The following GALNT18 variants were observed in gnomAD, a reference collection of about 807,000 sequenced individuals.
The protein encoded by GALNT18 is polypeptide N-acetylgalactosaminyltransferase 18.
In GALNT18, 44 loss-of-function variants were observed where a neutral mutation model predicts 69.5. That is an observed-to-expected ratio of 0.63 (90% confidence interval 0.50 to 0.81). The LOEUF (loss-of-function observed/expected upper bound fraction) is 0.81, where lower values mean the gene tolerates loss of function less well. Ranked by LOEUF, GALNT18 falls within the 40% of genes least tolerant of loss-of-function variation. The pLI, the probability that GALNT18 is intolerant of heterozygous loss-of-function variation, is 0.00. For synonymous variants in GALNT18, 364 were observed against 318.2 expected, an observed-to-expected ratio of 1.14 and a Z score of -1.53; for missense variants, 715 against 810.0, an observed-to-expected ratio of 0.88 and a Z score of 1.42.
chr11:11,280,607 G>T (rs1341139860), intron 10 of GALNT18, among the ~76,000 whole-genome samples: 3 of 152,180 alleles, frequency 2.0e-5, no homozygotes, highest in Admixed American at 6.5e-5. Context: ...AGCATTTCCA[G>T]GTTTAACTTT....
intron 9 of GALNT18, among the ~76,000 whole-genome samples, chr11:11,325,275 C>T (rs529114961): frequency 1.3e-5 from 2 of 152,136 alleles, no homozygotes; most frequent in South Asian, 2.1e-4. Flanking sequence ...AAATATCGTA[C>T]GTTTTCACTT....
rs1857932665 is a variant in GALNT18 at position 11,541,830 on chromosome 11, G to T, written c.235+79529C>A. On this transcript the variant is annotated intron_variant, in intron 1 of 10. Coordinates refer to ENST00000227756, the MANE Select transcript of GALNT18 (RefSeq NM_198516.3). This position sits in a 1 kb window ranked among gnomAD's most constrained non-coding sequence, Gnocchi z 4.8. The stretch of plus-strand genomic sequence containing the variant: ...CCTAGGGCACAAGCCAAGCCCAGAA[G>T]CCTCTCCCGAAGAGTGAGCAGGTTG... 6.6e-6 allele frequency among the ~76,000 whole-genome samples: 1 copy of T among 152,182 alleles called. No homozygotes were observed. Among genetic ancestry groups the T allele is most frequent in the South Asian group, 2.1e-4 (1 of 4,830 alleles).
chr11:11,532,265 T>C (rs150778759), intron 1 of GALNT18, among the ~76,000 whole-genome samples: 35 of 152,236 alleles, frequency 2.3e-4, no homozygotes, highest in Middle Eastern at 3.4e-3. Flanking sequence ...ATTCATTGAG[T>C]ACCTGAGCTG....
chr11:11,284,585 C>G (rs1849152513), intron 10 of GALNT18, among the ~76,000 whole-genome samples: 1 of 152,184 alleles, frequency 6.6e-6, no homozygotes, highest in Admixed American at 6.5e-5. Context: ...CTTTTGCAAT[C>G]AAGGAGTTCA....
intron 1 of GALNT18, among the ~76,000 whole-genome samples, chr11:11,522,057 T>C (rs1400057661): frequency 6.6e-6 from 1 of 152,110 alleles, no homozygotes; most frequent in African/African-American, 2.4e-5. Context: ...CCTAGAGCCA[T>C]GTCAGCCACA....
At chr11:11,579,227 G>A (rs558125309) in intron 1 of GALNT18, among the ~76,000 whole-genome samples, 1 of 152,282 alleles carries the variant, frequency 6.6e-6, no homozygotes, top group South Asian at 2.1e-4. Context: ...GTGGCATGGC[G>A]CCAGCTCTCA....
intron 6 of GALNT18, among the ~76,000 whole-genome samples, chr11:11,371,201 G>C (rs527643704): frequency 6.6e-6 from 1 of 152,138 alleles, no homozygotes; most frequent in African/African-American, 2.4e-5. Flanking sequence ...GTGGTGAGTC[G>C]GGCCCCACAC....
chr11:11,300,566 G>C (rs1358872293), intron 9 of GALNT18, among the ~76,000 whole-genome samples: 4 of 152,182 alleles, frequency 2.6e-5, no homozygotes, highest in Non-Finnish European at 4.4e-5. Context: ...TAACAGGGGA[G>C]TGTGACACTG....
chr11:11,272,597 T>C (rs1848850263), intron 10 of GALNT18, among the ~76,000 whole-genome samples: 1 of 152,238 alleles, frequency 6.6e-6, no homozygotes, highest in Admixed American at 6.5e-5. Flanking sequence ...CCATTTACAT[T>C]AACTCAGGGT....
intron 6 of GALNT18, among the ~76,000 whole-genome samples, chr11:11,369,694 T>C (rs935138613): frequency 1.3e-5 from 2 of 152,200 alleles, no homozygotes; most frequent in Non-Finnish European, 2.9e-5. Context: ...ACAGTTATCA[T>C]TTATATAATC....
rs1208931744 is a variant in GALNT18, at chr11:11,448,747, C to T, written c.425G>A (p.Ser142Asn). The change falls in exon 2 of 11, where the codon AGT (serine) becomes AAT (asparagine). Residue 142 changes from serine to asparagine, a missense_variant. Ser to Asn is a conservative substitution (Grantham distance 46). Coordinates refer to ENST00000227756, the MANE Select transcript of GALNT18 (RefSeq NM_198516.3). Reference protein sequence around the residue: ...LDRPLPDLRPSGCRNLSFPDS... With the variant: ...LDRPLPDLRPNGCRNLSFPDS... ...CCCAGTCACTGACTCTGCTCACCCA[C>T]TGGGTCTGAGGTCAGGCAGGGGCCG... 1 of 1,609,626 alleles carries T rather than the reference C, an allele frequency of 6.2e-7. No homozygotes were observed. Among genetic ancestry groups the T allele is most frequent in the South Asian group, 1.1e-5 (1 of 90,422 alleles).
intron 6 of GALNT18, among the ~76,000 whole-genome samples, chr11:11,346,819 C>T (rs1296460155): frequency 6.6e-6 from 1 of 152,148 alleles, no homozygotes; most frequent in Admixed American, 6.5e-5. Context: ...AGGCTTGAAA[C>T]ACCCACCCAG....
At position 11,461,132 on chromosome 11, in the gene GALNT18, A is replaced by G. The variant is rs1856032921; in HGVS notation, c.236-12196T>C. On this transcript the variant is annotated intron_variant, in intron 1 of 10. Transcript: ENST00000227756. The surrounding 1 kb of genome is among the most constrained non-coding windows in gnomAD (Gnocchi z 4.1). The stretch of plus-strand genomic sequence containing the variant: ...ACATCTGACTCTGCAAGCTTAGTCC[A>G]GATACTACAGGATGATCTCTCTCCG... Among the ~76,000 whole-genome samples the G allele has an allele frequency of 6.6e-6, 1 of 152,188 alleles. No individual in the cohort carries two copies. Among genetic ancestry groups the G allele is most frequent in the South Asian group, 2.1e-4 (1 of 4,822 alleles).
chr11:11,541,268 A>C lies in GALNT18; in HGVS notation c.235+80091T>G, dbSNP rs957442580. On this transcript the variant is annotated intron_variant, in intron 1 of 10. Coordinates refer to ENST00000227756, the MANE Select transcript of GALNT18 (RefSeq NM_198516.3). The surrounding 1 kb of genome is among the most constrained non-coding windows in gnomAD (Gnocchi z 4.8). ...GTGTTTTTGTGAACACTTTAGACCC[A>C]AAATCATCCAAACTCCTCCACCTCT... 1.3e-5 allele frequency among the ~76,000 whole-genome samples: 2 copies of C among 152,080 alleles called. No individual in the cohort carries two copies. The highest frequency in any genetic ancestry group is 2.4e-5 in the African/African-American group (1 of 41,396).
At position 11,494,519 on chromosome 11, in the gene GALNT18, C is replaced by G. The variant is rs543580282; in HGVS notation, c.236-45583G>C. Among the ~76,000 whole-genome samples the G allele has an allele frequency of 1.7e-4, 26 of 152,232 alleles. No homozygotes were observed. The highest frequency in any genetic ancestry group is 2.7e-4 in the African/African-American group (11 of 41,462). ...TCTCTTCCACAGCACTGACTGCCAC[C>G]TAGACATGACTCAGCCATATGAAAG... is the stretch of plus-strand genomic sequence containing the variant. On this transcript the variant is annotated intron_variant, in intron 1 of 10. Transcript: ENST00000227756. The surrounding 1 kb of genome is among the most constrained non-coding windows in gnomAD (Gnocchi z 5.7).
chr11:11,577,227 AT>A (rs1396758576), intron 1 of GALNT18, among the ~76,000 whole-genome samples: 1 of 152,116 alleles, frequency 6.6e-6, no homozygotes, highest in Non-Finnish European at 1.5e-5. Context: ...CATTATTCTG[AT>A]TATTGTCATC....
Position 11,404,265 on chromosome 11 carries a change from G to A in GALNT18, c.596-25001C>T, listed in dbSNP as rs1854535593. Among the ~76,000 whole-genome samples the A allele has an allele frequency of 6.6e-6, 1 of 152,212 alleles. No homozygotes were observed. Among genetic ancestry groups the A allele is most frequent in the African/African-American group, 2.4e-5 (1 of 41,470 alleles). On this transcript the variant is annotated intron_variant, in intron 3 of 10. Transcript: ENST00000227756. This position sits in a 1 kb window ranked among gnomAD's most constrained non-coding sequence, Gnocchi z 4.5. ...GCATTGATCACTGAATTCCCCAGGG[G>A]AGCCCTGGGCTTCAGTGCCAATGCC...
intron 9 of GALNT18, among the ~76,000 whole-genome samples, chr11:11,321,695 C>G (rs928182297): frequency 6.6e-6 from 1 of 152,336 alleles, no homozygotes; most frequent in African/African-American, 2.4e-5. Flanking sequence ...CTCTGCCTCC[C>G]AGGTTCAAGT....
chr11:11,272,748 C>G (rs1322991711), intron 10 of GALNT18, among the ~76,000 whole-genome samples: 1 of 151,770 alleles, frequency 6.6e-6, no homozygotes, highest in Non-Finnish European at 1.5e-5. Context: ...TGCCCCACCT[C>G]CACTTCCACC....
Sources: gnomAD v4.1 joint callset for allele counts (sites outside exome capture counted in the v4.1 genomes callset) on GRCh38, gnomAD v4.1.1 for gene constraint, Gnocchi (gnomAD v3.1) non-coding constraint, MANE v1.5 for transcripts, NCBI Gene and HGNC (gene_info 2026-07-23, HGNC 2026-07-21) for gene names.